ROBO2: variants seen among roughly 807,000 people sequenced by gnomAD.
ROBO2 encodes the protein roundabout guidance receptor 2, also known as roundabout homolog 2.
In ROBO2, 53 loss-of-function variants were observed where a neutral mutation model predicts 160.8. The ratio of observed to expected loss-of-function variants is 0.33; its 90% CI spans 0.26 to 0.41. The LOEUF is 0.41. Among genes scored for constraint, ROBO2 ranks in the 10% least tolerant of loss-of-function variants. ROBO2 has a pLI of 1.00. For synonymous variants in ROBO2, 664 were observed against 611.7 expected (o/e 1.09, Z -1.26); for missense variants, 1,577 against 1,722.4 (o/e 0.92, Z 1.49).
chr3:76,216,083 T>C (rs978257754), intron 2 of ROBO2, among the ~76,000 whole-genome samples: 1 of 152,064 alleles, frequency 6.6e-6, no homozygotes, highest in Non-Finnish European at 1.5e-5. Flanking sequence ...GAAGGAGAAA[T>C]AAAATACTTT....
chr3:75,914,006 G>A (rs1372385995), intron 1 of ROBO2, among the ~76,000 whole-genome samples: 4 of 152,190 alleles, frequency 2.6e-5, no homozygotes, highest in African/African-American at 9.6e-5. Flanking sequence ...GCATAAGATA[G>A]ATTCGTTTTC....
chr3:76,716,664 C>G (rs1217073256), intron 2 of ROBO2, among the ~76,000 whole-genome samples: 3 of 152,134 alleles, frequency 2.0e-5, no homozygotes, highest in Non-Finnish European at 1.5e-5. Context: ...TACCTAGCAG[C>G]TTGAGCCTTC....
At chr3:77,355,172 C>T (rs113221830) in intron 2 of ROBO2, among the ~76,000 whole-genome samples, 246 of 110,358 alleles carry the variant, frequency 2.2e-3, no homozygotes, top group African/African-American at 3.1e-3. Context: ...TCAACCCTTC[C>T]TCCCATCCCC....
At chr3:77,493,435 A>C in intron 5 of ROBO2, 53 bp downstream of exon 5, 1 of 1,593,878 alleles carries the variant, frequency 6.3e-7, no homozygotes, top group Non-Finnish European at 8.6e-7. Flanking sequence ...AATAATTAGA[A>C]AATAAAAGGA....
At chr3:76,444,755 A>G (rs967610337) in intron 2 of ROBO2, among the ~76,000 whole-genome samples, 3 of 152,292 alleles carry the variant, frequency 2.0e-5, no homozygotes, top group Middle Eastern at 3.4e-3. Flanking sequence ...ACAAAGCCTA[A>G]CCATATCAAG....
intron 2 of ROBO2, among the ~76,000 whole-genome samples, chr3:76,262,222 A>T (rs1296565866): frequency 6.6e-6 from 1 of 152,146 alleles, no homozygotes; most frequent in Non-Finnish European, 1.5e-5. Context: ...TTTAATACTT[A>T]TTAAATATTA....
chr3:76,114,021 GATGCTGGTACC>G (rs2070355968), intron 2 of ROBO2, among the ~76,000 whole-genome samples: 1 of 152,208 alleles, frequency 6.6e-6, no homozygotes, highest in Non-Finnish European at 1.5e-5. Flanking sequence ...GAGCCGAGCA[GATGCTGGTACC>G]ATGCTGGTAC....
rs1553727226 is a variant in ROBO2 at position 76,049,383 on chromosome 3, GTATATA to G, written c.109+111797_109+111802del. Among the ~76,000 whole-genome samples the G allele has an allele frequency of 8.1e-5, 3 of 36,812 alleles. 1 individual carries two copies. The highest frequency in any genetic ancestry group is 3.4e-4 in the African/African-American group (3 of 8,862). 24.2% of individuals were successfully genotyped at this position (36,812 alleles called of 152,430 possible). ...ATGCCACCACCCCTGGCTAATTTTA[GTATATA>G]TATATATATATATATTTTTTTTTTT... is the stretch of plus-strand genomic sequence containing the variant. On this transcript the variant is annotated intron_variant, in intron 2 of 26. Coordinates refer to the ROBO2 transcript ENST00000487694.
chr3:76,176,986 G>T (rs368066057), intron 2 of ROBO2, among the ~76,000 whole-genome samples: 158 of 152,136 alleles, frequency 1.0e-3, no homozygotes, highest in African/African-American at 2.6e-3. Context: ...ACTTTATATT[G>T]CAGTCATATC....
At chr3:76,182,440 G>A (rs1185474259) in intron 2 of ROBO2, among the ~76,000 whole-genome samples, 2 of 152,102 alleles carry the variant, frequency 1.3e-5, no homozygotes, top group East Asian at 1.9e-4. Context: ...GGGGAGTGAC[G>A]AGCTAAGACA....
chr3:76,741,452 C>A (rs2093800622), intron 2 of ROBO2, among the ~76,000 whole-genome samples: 1 of 151,876 alleles, frequency 6.6e-6, no homozygotes, highest in South Asian at 2.1e-4. Context: ...AGTGAAGATG[C>A]CCTTGCCTAG....
At chr3:76,512,697 GT>G (rs1577778369) in intron 2 of ROBO2, among the ~76,000 whole-genome samples, 1 of 151,938 alleles carries the variant, frequency 6.6e-6, no homozygotes, top group East Asian at 1.9e-4. Context: ...GCACAAAATT[GT>G]TTAAAATATT....
At chr3:76,272,981 A>T (rs866514987) in intron 2 of ROBO2, among the ~76,000 whole-genome samples, 1,369 of 86,080 alleles carry the variant, frequency 0.016, 91 homozygotes, top group African/African-American at 0.063. Flanking sequence ...AAATATATAT[A>T]ATATATAATA....
intron 2 of ROBO2, among the ~76,000 whole-genome samples, chr3:77,301,910 T>C (rs908951310): frequency 6.6e-6 from 1 of 152,016 alleles, no homozygotes; most frequent in African/African-American, 2.4e-5. Flanking sequence ...AGTTATTTCT[T>C]TCTTTTTTAA....
chr3:77,037,337 T>C (rs984300554), upstream of ROBO2, among the ~76,000 whole-genome samples: 2 of 152,140 alleles, frequency 1.3e-5, no homozygotes, highest in African/African-American at 4.8e-5. Flanking sequence ...CATTATTCCA[T>C]AAGGTAGCTA....
At chr3:76,681,156 A>C (rs1348228072) in intron 2 of ROBO2, among the ~76,000 whole-genome samples, 1 of 152,196 alleles carries the variant, frequency 6.6e-6, no homozygotes, top group African/African-American at 2.4e-5. Context: ...AAGACAATTA[A>C]TCTAAAATCA....
chr3:76,140,003 T>G (rs559142402), intron 2 of ROBO2, among the ~76,000 whole-genome samples: 1 of 152,216 alleles, frequency 6.6e-6, no homozygotes, highest in South Asian at 2.1e-4. Context: ...TTCTAATCTA[T>G]TTGATAAATG....
At chr3:76,949,111 A>T (rs568332190) in intron 2 of ROBO2, among the ~76,000 whole-genome samples, 2 of 150,956 alleles carry the variant, frequency 1.3e-5, no homozygotes, top group East Asian at 2.0e-4. Context: ...TCCCTACTTA[A>T]TTTTTTTCCT....
chr3:77,037,980 A>G (rs1171665259), upstream of ROBO2, among the ~76,000 whole-genome samples: 2 of 152,212 alleles, frequency 1.3e-5, no homozygotes, highest in Non-Finnish European at 2.9e-5. Flanking sequence ...TGGAGACATG[A>G]GCTAGACATT....
Sources: allele counts gnomAD v4.1 joint callset (sites outside exome capture counted in the v4.1 genomes callset), GRCh38; gene constraint gnomAD v4.1.1; transcripts MANE v1.5; gene names NCBI Gene and HGNC (gene_info 2026-07-23, HGNC 2026-07-21).